LSM3: variants seen among roughly 807,000 people sequenced by gnomAD.
LSM3 encodes the protein U6 snRNA-associated Sm-like protein LSm3.
A neutral mutation model predicts 15.4 loss-of-function variants in LSM3; 14 were observed. The ratio of observed to expected loss-of-function variants is 0.91; its 90% CI spans 0.60 to 1.42. LSM3 has a LOEUF of 1.42. LSM3 is among the 40% of genes most tolerant of loss of function. LSM3 has a pLI of 0.00. For missense variants in LSM3, 88 were observed against 127.9 expected, an observed-to-expected ratio of 0.69 and a Z score of 1.50; for synonymous variants, 46 against 45.1, an observed-to-expected ratio of 1.02 and a Z score of -0.08.
At chr3:14,181,172 A>G (rs1340027333) in intron 1 of LSM3, among the ~76,000 whole-genome samples, 1 of 152,218 alleles carries the variant, frequency 6.6e-6, no homozygotes, top group Non-Finnish European at 1.5e-5. Flanking sequence ...GTAGGCATTA[A>G]GTGAGTGTTT....
rs1164090236 is a variant in LSM3, at chr3:14,180,821, C to CTT, written c.22-704_22-703dup. On this transcript the variant is annotated intron_variant, in intron 1 of 3. Transcript: ENST00000306024. ...GACTCCAAAGCCAGTGCTTGCTTGC[C>CTT]TTTTTTTTTTTTTTTTTTTTTTTTT... Among the ~76,000 whole-genome samples, 426 of 46,406 alleles carry CTT rather than the reference C, an allele frequency of 9.2e-3. 15 individuals are homozygous for CTT. The highest frequency in any genetic ancestry group is 0.024 in the East Asian group (29 of 1,200). The allele number at this position is 46,406 out of a possible 152,430, so 30.4% of individuals were successfully genotyped here.
intron 3 of LSM3, among the ~76,000 whole-genome samples, chr3:14,185,343 C>G (rs572415835): frequency 7.9e-5 from 12 of 151,412 alleles, no homozygotes; most frequent in Non-Finnish European, 1.8e-4. Context: ...CAGAGTAAGA[C>G]TCTGTCTCAA....
chr3:14,195,428 C>G (rs1697179495), intron 3 of LSM3, among the ~76,000 whole-genome samples: 2 of 150,946 alleles, frequency 1.3e-5, no homozygotes, highest in Admixed American at 1.3e-4. Context: ...CAACCAGTGT[C>G]TGTATATACC....
Position 14,198,190 on chromosome 3 carries a change from A to G in LSM3, c.*74A>G. 1 of 1,061,534 alleles carries G rather than the reference A, an allele frequency of 9.4e-7. No homozygotes were observed. Among genetic ancestry groups the G allele is most frequent in the Non-Finnish European group, 1.5e-6 (1 of 685,488 alleles). 65.8% of individuals were successfully genotyped at this position (1,061,534 alleles called of 1,614,324 possible). A position where few individuals can be genotyped will look rare whatever the true frequency, so the allele number is the denominator to read the frequency against. ...CTCTCTAAAAGTACAAAACATTCAT[A>G]AGAGAAACCTGCATACATTTTGATA... On this transcript the variant is annotated 3_prime_UTR_variant, in exon 4 of 4. Transcript: ENST00000306024.
At chr3:14,190,566 G>A (rs1697130092) in intron 3 of LSM3, among the ~76,000 whole-genome samples, 1 of 152,080 alleles carries the variant, frequency 6.6e-6, no homozygotes, top group South Asian at 2.1e-4. Context: ...ATTGTGAATG[G>A]GAGTTCACTC....
chr3:14,195,199 A>T (rs990350282), intron 3 of LSM3, among the ~76,000 whole-genome samples: 3 of 152,198 alleles, frequency 2.0e-5, no homozygotes, highest in Non-Finnish European at 2.9e-5. Context: ...CAGTGGGAAC[A>T]AAAAGGAGTA....
intron 3 of LSM3, among the ~76,000 whole-genome samples, chr3:14,195,856 A>C (rs1256431068): frequency 6.6e-6 from 1 of 152,190 alleles, no homozygotes; most frequent in African/African-American, 2.4e-5. Flanking sequence ...GAATGCTGTA[A>C]AGACTTCTGA....
At chr3:14,188,497 T>C (rs1697110810) in intron 3 of LSM3, among the ~76,000 whole-genome samples, 1 of 152,210 alleles carries the variant, frequency 6.6e-6, no homozygotes, top group African/African-American at 2.4e-5. Flanking sequence ...GTAAAATGTC[T>C]TCCACTCCAG....
chr3:14,185,209 G>A lies in LSM3; in HGVS notation c.228+1177G>A, dbSNP rs112690011. On this transcript the variant is annotated intron_variant, in intron 3 of 3. Coordinates refer to ENST00000306024, the MANE Select transcript of LSM3 (RefSeq NM_014463.3). ...CTACTAAAAATACAAAATATTAGCC[G>A]GCCGTGGCGGCAGGCACTGGCAATC... 9.7e-3 allele frequency among the ~76,000 whole-genome samples: 1,481 copies of A among 151,970 alleles called. 9 individuals are homozygous for A. The highest frequency in any genetic ancestry group is 0.02 in the Admixed American group (301 of 15,252).
chr3:14,178,976 C>G (rs1559389062), intron 1 of LSM3, 95 bp downstream of exon 1: 2 of 1,356,396 alleles, frequency 1.5e-6, no homozygotes, highest in Non-Finnish European at 2.1e-6. Context: ...CCTCCTCTCT[C>G]CAAGTCACCA....
chr3:14,186,553 A>T (rs1312868813), intron 3 of LSM3, among the ~76,000 whole-genome samples: 1 of 152,088 alleles, frequency 6.6e-6, no homozygotes, highest in East Asian at 1.9e-4. Flanking sequence ...CTCCTTTGCT[A>T]GTGTTCTTTC....
intron 2 of LSM3, among the ~76,000 whole-genome samples, chr3:14,182,844 C>G (rs1002425405): frequency 2.6e-5 from 4 of 152,144 alleles, no homozygotes; most frequent in Non-Finnish European, 5.9e-5. Context: ...AAAGGGAGAG[C>G]CAGAATTTGA....
intron 3 of LSM3, among the ~76,000 whole-genome samples, chr3:14,193,034 G>A (rs1697155274): frequency 6.6e-6 from 1 of 152,180 alleles, no homozygotes; most frequent in Non-Finnish European, 1.5e-5. Flanking sequence ...CTTCGCTTAT[G>A]AAGCTTAGTT....
At chr3:14,189,935 T>G (rs928243339) in intron 3 of LSM3, among the ~76,000 whole-genome samples, 5 of 152,228 alleles carry the variant, frequency 3.3e-5, no homozygotes, top group African/African-American at 1.2e-4. Flanking sequence ...TCCTAGGTCT[T>G]ACATTTAAGT....
intron 2 of LSM3, 68 bp from the exon 3 acceptor site, chr3:14,183,869 T>C (rs955646988): frequency 1.6e-5 from 19 of 1,215,406 alleles, no homozygotes; most frequent in Non-Finnish European, 1.8e-5. Flanking sequence ...AATTTGCATA[T>C]TGTTAAGCCT....
Position 14,181,615 on chromosome 3 carries a change from A to T in LSM3, c.77A>T (p.Asp26Val). 6.2e-7 allele frequency: 1 copy of T among 1,614,050 alleles called. No individual in the cohort carries two copies. The highest frequency in any genetic ancestry group is 1.7e-5 in the Admixed American group (1 of 60,038). Reference sequence around the variant, plus strand: ...CTGGATCTTATCAGGCTCAGCCTAGATGAGCGAATTTATGTGAAAATGAGA... The same window carrying T: ...CTGGATCTTATCAGGCTCAGCCTAGTTGAGCGAATTTATGTGAAAATGAGA... ...EPLDLIRLSL[D>V]ERIYVKMRND... Residue 26 changes from aspartate (D) to valine (V), a missense_variant, in exon 2 of 4, where the codon GAT becomes GTT. Coordinates refer to ENST00000306024, the MANE Select transcript of LSM3 (RefSeq NM_014463.3).
chr3:14,198,444 G>T lies in LSM3; in HGVS notation c.*328G>T. ...TTTCCTTGTAGATTTTTTTAAGTGC[G>T]GTCTTCTGTCTTGTGAATTATTTAA... On this transcript the variant is annotated 3_prime_UTR_variant, in exon 4 of 4. Transcript: ENST00000306024. The T allele has an allele frequency of 6.7e-6, 2 of 296,974 alleles. No individual in the cohort carries two copies. The highest frequency in any genetic ancestry group is 5.2e-5 in the South Asian group (1 of 19,150). The allele number at this position is 296,974 out of a possible 1,614,324, so 18.4% of individuals were successfully genotyped here.
At chr3:14,194,036 T>A (rs775035944) in intron 3 of LSM3, among the ~76,000 whole-genome samples, 1 of 152,248 alleles carries the variant, frequency 6.6e-6, no homozygotes, top group Non-Finnish European at 1.5e-5. Context: ...GCCCCTCTGC[T>A]GCCAGTCTGC....
chr3:14,188,997 C>G lies in LSM3; in HGVS notation c.228+4965C>G, dbSNP rs140484550. ...GCCCTGGTGTGTGATGTTCCCCTCC[C>G]TGTGCCCATGTGTTCTCATTGTTCA... On this transcript the variant is annotated intron_variant, in intron 3 of 3. Coordinates refer to ENST00000306024, the MANE Select transcript of LSM3 (RefSeq NM_014463.3). Among the ~76,000 whole-genome samples the G allele has an allele frequency of 2.1e-3, 317 of 152,224 alleles. 2 individuals carry two copies. The highest frequency in any genetic ancestry group is 7.3e-3 in the African/African-American group (304 of 41,528).
Sources: gnomAD v4.1 joint callset for allele counts (sites outside exome capture counted in the v4.1 genomes callset) on GRCh38, gnomAD v4.1.1 for gene constraint, MANE v1.5 for transcripts, NCBI Gene and HGNC (gene_info 2026-07-23, HGNC 2026-07-21) for gene names.